The following MRE11 variants were observed in gnomAD, a reference collection of about 807,000 sequenced individuals.
MRE11 encodes the protein double-strand break repair protein MRE11.
A neutral mutation model predicts 91.7 loss-of-function variants in MRE11; 62 were observed. That is an observed-to-expected ratio of 0.68 (90% CI 0.55 to 0.84). The LOEUF (loss-of-function observed/expected upper bound fraction) is 0.84. MRE11 is among the 40% of genes least tolerant of loss of function. MRE11 has a pLI of 0.00. For missense variants in MRE11, 796 were observed against 852.9 expected, an observed-to-expected ratio of 0.93 and a Z score of 0.83; for synonymous variants, 273 against 271.4, an observed-to-expected ratio of 1.01 and a Z score of -0.06.
chr11:94,444,698 G>A (rs904005520), intron 16 of MRE11, among the ~76,000 whole-genome samples: 11 of 152,138 alleles, frequency 7.2e-5, no homozygotes, highest in African/African-American at 1.9e-4. Context: ...CTCTACTTGT[G>A]CAGCTGTCCT....
the MRE11 span, among the ~76,000 whole-genome samples, chr11:94,507,838 G>A: frequency 6.6e-6 from 1 of 150,376 alleles, no homozygotes; most frequent in South Asian, 2.1e-4. Flanking sequence ...ATGTGTGCAC[G>A]TTTCCTATTT....
At chr11:94,501,750 C>G in the MRE11 span, among the ~76,000 whole-genome samples, 377 of 144,570 alleles carry the variant, frequency 2.6e-3, 2 homozygotes, top group African/African-American at 8.8e-3. Flanking sequence ...ACCTGTGGGT[C>G]ACTTTGGGCA....
chr11:94,473,156 A>C (rs1431421855), intron 7 of MRE11: 1 of 152,224 alleles, frequency 6.6e-6, no homozygotes, highest in Non-Finnish European at 1.5e-5. Flanking sequence ...AGCAAGGAGA[A>C]CAGAAGGGCT....
intron 4 of MRE11, among the ~76,000 whole-genome samples, chr11:94,481,323 A>T (rs1335695753): frequency 6.6e-6 from 1 of 152,168 alleles, no homozygotes; most frequent in African/African-American, 2.4e-5. Flanking sequence ...AAAAAAAATA[A>T]AAGTTAAATG....
chr11:94,476,451 T>TA lies in MRE11; in HGVS notation c.545-49dup, dbSNP rs766985582. 2.0e-5 allele frequency: 25 copies of TA among 1,265,706 alleles called. No individual in the cohort carries two copies. The South Asian group carries it at 2.2e-4, about 11-fold the overall frequency. 78.4% of individuals were successfully genotyped at this position (1,265,706 alleles called of 1,614,324 possible). A position where few individuals can be genotyped will look rare whatever the true frequency, so the allele number is the denominator to read the frequency against. On this transcript the variant is annotated intron_variant, in intron 6 of 19. Transcript: ENST00000323929. ...TTTAAATTGTTTTCTTACTTCGGCTTAAAAAATGAATCTATTTTGCTTCTA... is the reference window on the plus strand; with the variant it reads ...TTTAAATTGTTTTCTTACTTCGGCTTAAAAAAATGAATCTATTTTGCTTCTA...
intron 16 of MRE11, among the ~76,000 whole-genome samples, chr11:94,440,128 G>A (rs537997110): frequency 6.6e-6 from 1 of 152,240 alleles, no homozygotes; most frequent in Admixed American, 6.5e-5. Context: ...GCTGCAAAAG[G>A]TACCATAATA....
intron 14 of MRE11, among the ~76,000 whole-genome samples, chr11:94,455,261 T>C (rs1946219168): frequency 6.6e-6 from 1 of 152,180 alleles, no homozygotes; most frequent in African/African-American, 2.4e-5. Context: ...TCCTCATTTA[T>C]AAAATGGGCA....
Position 94,478,759 on chromosome 11 carries a change from T to C in MRE11, c.520A>G (p.Thr174Ala). Residue 174 changes from threonine to alanine, a missense_variant, in exon 6 of 20, where the codon ACA becomes GCA. Transcript: ENST00000323929. ...ISPVLLQKGS[T>A]KIALYGLGSI... The stretch of plus-strand genomic sequence containing the variant: ...CCTAAACCATATAGCGCAATCTTTG[T>C]GCTTCCTTTTTGAAGCAAAACCGGA... The C allele has an allele frequency of 2.5e-6, 4 of 1,613,104 alleles. No homozygotes were observed. Among genetic ancestry groups the C allele is most frequent in the Admixed American group, 1.7e-5 (1 of 60,016 alleles).
In MRE11 at chr11:94,479,685, C is replaced by T. The variant is rs368403414; in HGVS notation, c.391G>A (p.Asp131Asn). Residue 131 changes from aspartate to asparagine, a missense_variant, in exon 5 of 20, where the codon GAT (aspartate) becomes AAT (asparagine). Asp to Asn is a conservative substitution (Grantham distance 23). Transcript: ENST00000323929. ...PVFSIHGNHD[D>N]PTGADALCAL... ...AAAACAATAATTACCCCTGTGGGATCGTCATGATTGCCATGAATACTAAAC... is the reference window on the plus strand; with the variant it reads ...AAAACAATAATTACCCCTGTGGGATTGTCATGATTGCCATGAATACTAAAC... 143 of 1,611,824 alleles carry T rather than the reference C, an allele frequency of 8.9e-5. No homozygotes were observed. The highest frequency in any genetic ancestry group is 1.1e-4 in the Non-Finnish European group (134 of 1,178,860).
intron 10 of MRE11, 68 bp from the exon 11 acceptor site, chr11:94,464,307 A>C: frequency 6.3e-7 from 1 of 1,584,160 alleles, no homozygotes; most frequent in Non-Finnish European, 8.7e-7. Context: ...ACACACACTA[A>C]TCCTTCAGTA....
In MRE11 at chr11:94,450,711, C is replaced by T. The variant is rs148628602; in HGVS notation, c.1564-3273G>A. On this transcript the variant is annotated intron_variant, in intron 14 of 19. Transcript: ENST00000323929. Reference sequence around the variant, plus strand: ...ATCACAACATATGAGAGAGCTAAAGCAATGCTTATAAGAAAGCCTATAGCC... The same window carrying T: ...ATCACAACATATGAGAGAGCTAAAGTAATGCTTATAAGAAAGCCTATAGCC... Among the ~76,000 whole-genome samples, 1,489 of 152,148 alleles carry T rather than the reference C, an allele frequency of 9.8e-3. 27 individuals are homozygous for T. Among genetic ancestry groups the T allele is most frequent in the Middle Eastern group, 0.031 (9 of 294 alleles).
At chr11:94,496,606 C>A, upstream of MRE11, 1 of 1,219,488 alleles carries the variant, frequency 8.2e-7, no homozygotes, top group Non-Finnish European at 1.1e-6. Context: ...GTTTTCAGAT[C>A]TTGATGAACA....
intron 14 of MRE11, among the ~76,000 whole-genome samples, chr11:94,453,331 G>A (rs1946163612): frequency 6.6e-6 from 1 of 152,132 alleles, no homozygotes; most frequent in Non-Finnish European, 1.5e-5. Flanking sequence ...TTTTGGTTAT[G>A]TACCTAGAAG....
At chr11:94,511,835 C>T in the MRE11 span, among the ~76,000 whole-genome samples, 1 of 152,122 alleles carries the variant, frequency 6.6e-6, no homozygotes, top group African/African-American at 2.4e-5. Flanking sequence ...CAAATAAAAC[C>T]CTGAATTTTT....
chr11:94,496,749 A>G, upstream of MRE11: 1 of 1,611,554 alleles, frequency 6.2e-7, no homozygotes, highest in South Asian at 1.1e-5. Flanking sequence ...AATTCCTTGG[A>G]TTTTTCTGAA....
chr11:94,510,203 A>G, the MRE11 span, among the ~76,000 whole-genome samples: 1 of 152,172 alleles, frequency 6.6e-6, no homozygotes, highest in African/African-American at 2.4e-5. Context: ...TTAAAGCTAT[A>G]TTTCTTCTTG....
chr11:94,421,259 AC>A (rs1945165066), intron 19 of MRE11, among the ~76,000 whole-genome samples: 1 of 151,926 alleles, frequency 6.6e-6, no homozygotes, highest in Non-Finnish European at 1.5e-5. Flanking sequence ...TGTGTTTAAG[AC>A]ATTAAAAGAA....
rs1245161888 is a variant in MRE11, at chr11:94,459,462, CTG to C, written c.1444_1445del (p.Gln482AlafsTer4). 13 of 1,614,014 alleles carry C rather than the reference CTG, an allele frequency of 8.1e-6. No homozygotes were observed. Among genetic ancestry groups the C allele is most frequent in the Admixed American group, 3.3e-5 (2 of 60,012 alleles). On this transcript the variant is annotated frameshift_variant, in exon 13 of 20. Coordinates refer to ENST00000323929, the MANE Select transcript of MRE11 (RefSeq NM_005591.4). LOFTEE classifies it high-confidence loss of function. ...CAATATGACGTTCTTTAAGAAATCG[CTG>C]TGTTTTTTCCAACTGGTATTTCACT... ...ELVKYQLEKTQRFLKERHIDA... is the reference protein window; with the variant it reads ...ELVKYQLEKTXRFLKERHIDA...
At position 94,416,086 on chromosome 11, in the gene MRE11, C is replaced by T. The variant is rs939563463; in HGVS notation, c.*4039G>A. ...TTGGCCTCCCAAAGTGCTAGGATCA[C>T]AGGCGTGAGCCACCGTGCCCGGTGC... On this transcript the variant is annotated 3_prime_UTR_variant, in exon 20 of 20. Transcript: ENST00000323929. 1 of 152,260 alleles carries T rather than the reference C, an allele frequency of 6.6e-6. No individual in the cohort carries two copies. The highest frequency in any genetic ancestry group is 1.5e-5 in the Non-Finnish European group (1 of 68,056). The allele number at this position is 152,260 out of a possible 1,614,324, so 9.4% of individuals were successfully genotyped here.
Sources: allele counts gnomAD v4.1 joint callset (sites outside exome capture counted in the v4.1 genomes callset), GRCh38; gene constraint gnomAD v4.1.1; transcripts MANE v1.5; gene names NCBI Gene and HGNC (gene_info 2026-07-23, HGNC 2026-07-21).